MEGF8: variants seen among roughly 807,000 people sequenced by gnomAD.
MEGF8 encodes multiple epidermal growth factor-like domains protein 8.
MEGF8 carries 156 observed loss-of-function variants against 302.9 expected under a neutral mutation model. That is an observed-to-expected ratio of 0.52 (90% CI 0.45 to 0.59). The LOEUF (loss-of-function observed/expected upper bound fraction) is 0.59, where lower values mean the gene tolerates loss of function less well. Among genes scored for constraint, MEGF8 ranks in the 20% least tolerant of loss-of-function variants. MEGF8 has a pLI of 0.00. For missense variants in MEGF8, 3,345 were observed against 3,964.5 expected (o/e 0.84, Z 4.20); for synonymous variants, 1,621 against 1,660.5 (o/e 0.98, Z 0.58).
At chr19:42,374,470 CA>C (rs58700897) in intron 41 of MEGF8, among the ~76,000 whole-genome samples, 6,013 of 56,334 alleles carry the variant, frequency 0.11, 297 homozygotes, top group African/African-American at 0.29. Flanking sequence ...GACTCTGTCT[CA>C]AAAAAAAAAA....
At position 42,360,981 on chromosome 19, in the gene MEGF8, TGCTTGTCC is replaced by T; in HGVS notation, c.5697_5704del (p.Cys1899TrpfsTer32). The T allele has an allele frequency of 6.4e-7, 1 of 1,566,978 alleles. No homozygotes were observed. The highest frequency in any genetic ancestry group is 8.7e-7 in the Non-Finnish European group (1 of 1,154,522). ...GGCCTGCACCTGGTGCCATGGGGCC[TGCTTGTCC>T]GGGGATCAGGCCCACAGGTAACCAT... On this transcript the variant is annotated frameshift_variant, in exon 32 of 42. Coordinates refer to ENST00000251268, the MANE Select transcript of MEGF8 (RefSeq NM_001271938.2). LOFTEE classifies it high-confidence loss of function.
rs756533048 is a variant in MEGF8 at position 42,351,292 on chromosome 19, G to A, written c.2813G>A (p.Gly938Asp). 4.5e-6 allele frequency: 7 copies of A among 1,569,024 alleles called. No individual in the cohort carries two copies. The East Asian group carries it at 1.4e-4, about 31-fold the overall frequency. ...AACSRRGRGRGALKSPEECPP... is the reference protein window; with the variant it reads ...AACSRRGRGRDALKSPEECPP... Reference sequence around the variant, plus strand: ...TGCAGCCGGCGGGGCCGGGGTCGGGGTGCCCTGAAGAGTCCAGAGGAGTGT... The same window carrying A: ...TGCAGCCGGCGGGGCCGGGGTCGGGATGCCCTGAAGAGTCCAGAGGAGTGT... Residue 938 changes from glycine to aspartate, a missense_variant, in exon 16 of 42, where the codon GGT becomes GAT. Physicochemically the swap from Gly to Asp is moderately conservative, Grantham distance 94. Coordinates refer to ENST00000251268, the MANE Select transcript of MEGF8 (RefSeq NM_001271938.2). The surrounding 1 kb of genome is among the most constrained non-coding windows in gnomAD (Gnocchi z 5.6).
chr19:42,335,256 C>A, intron 4 of MEGF8, 41 bp downstream of exon 4: 4 of 1,613,766 alleles, frequency 2.5e-6, no homozygotes, highest in Non-Finnish European at 3.4e-6. Context: ...GGAGGCCCGG[C>A]AGCCTATGGC....
Position 42,351,817 on chromosome 19 carries a change from C to T in MEGF8, c.3101+56C>T, listed in dbSNP as rs573600138. On this transcript the variant is annotated intron_variant, in intron 18 of 41. Coordinates refer to ENST00000251268, the MANE Select transcript of MEGF8 (RefSeq NM_001271938.2). The surrounding 1 kb of genome is among the most constrained non-coding windows in gnomAD (Gnocchi z 5.6). Reference sequence around the variant, plus strand: ...CCCGGCTGTGTCCTTCCTCCATGACCGGTCATTCTAATGGCCTCTTTGCTT... The same window carrying T: ...CCCGGCTGTGTCCTTCCTCCATGACTGGTCATTCTAATGGCCTCTTTGCTT... The T allele has an allele frequency of 1.4e-4, 195 of 1,425,944 alleles. No individual in the cohort carries two copies. Among genetic ancestry groups the T allele is most frequent in the African/African-American group, 3.1e-4 (22 of 70,680 alleles). 88.3% of individuals were successfully genotyped at this position (1,425,944 alleles called of 1,614,324 possible). A position where few individuals can be genotyped will look rare whatever the true frequency, so the allele number is the denominator to read the frequency against.
In MEGF8 at chr19:42,352,293, C is replaced by A; in HGVS notation, c.3187C>A (p.Leu1063Ile). The change falls in exon 19 of 42, where the codon CTC (leucine) becomes ATC (isoleucine). Residue 1063 changes from leucine (L) to isoleucine (I), a missense_variant. Leu to Ile is a conservative substitution (Grantham distance 5). Coordinates refer to ENST00000251268, the MANE Select transcript of MEGF8 (RefSeq NM_001271938.2). The surrounding 1 kb of genome is among the most constrained non-coding windows in gnomAD (Gnocchi z 4.4). ...VGEGLGLPVA[L>I]PARWAYARCP... ...GGAGGGCCTGGGGCTTCCCGTGGCC[C>A]TCCCTGCCCGCTGGGCATACGCCCG... 1 of 1,571,610 alleles carries A rather than the reference C, an allele frequency of 6.4e-7. No individual in the cohort carries two copies. Among genetic ancestry groups the A allele is most frequent in the Non-Finnish European group, 8.6e-7 (1 of 1,158,638 alleles).
intron 23 of MEGF8, among the ~76,000 whole-genome samples, chr19:42,355,200 G>A (rs894248729): frequency 1.3e-5 from 2 of 151,986 alleles, no homozygotes; most frequent in African/African-American, 4.8e-5. Context: ...CAAGTGATTC[G>A]CCCACCTTGG....
At chr19:42,359,611 T>C (rs1393460413) in intron 31 of MEGF8, among the ~76,000 whole-genome samples, 1 of 152,144 alleles carries the variant, frequency 6.6e-6, no homozygotes, top group Admixed American at 6.5e-5. Flanking sequence ...ATTTCAATGT[T>C]GTGAGTGACT....
In MEGF8 at chr19:42,343,989, C is replaced by T; in HGVS notation, c.1704C>T (p.His568=). The T allele has an allele frequency of 6.2e-7, 1 of 1,613,828 alleles. No homozygotes were observed. Among genetic ancestry groups the T allele is most frequent in the Non-Finnish European group, 8.5e-7 (1 of 1,179,792 alleles). ...HLDYCSMYTD[H]SVCSRDPECS... Reference sequence around the variant, plus strand: ...ACTACTGCTCCATGTACACAGACCACAGCGTCTGCTCCCGGGACCCGGAAT... The same window carrying T: ...ACTACTGCTCCATGTACACAGACCATAGCGTCTGCTCCCGGGACCCGGAAT... Residue 568 remains histidine (H), a synonymous_variant, in exon 10 of 42, where the codon CAC becomes CAT. Coordinates refer to ENST00000251268, the MANE Select transcript of MEGF8 (RefSeq NM_001271938.2).
At chr19:42,362,260 G>C in intron 33 of MEGF8, 47 bp downstream of exon 33, 3 of 1,609,566 alleles carry the variant, frequency 1.9e-6, no homozygotes, top group Non-Finnish European at 2.5e-6. Context: ...GTGTAGGGCA[G>C]GGAGGTCCTG....
chr19:42,329,940 A>G (rs1040143910), intron 1 of MEGF8, among the ~76,000 whole-genome samples: 1 of 151,438 alleles, frequency 6.6e-6, no homozygotes, highest in African/African-American at 2.4e-5. Flanking sequence ...TACTTTATCT[A>G]GTCCTAGACT....
intron 1 of MEGF8, among the ~76,000 whole-genome samples, chr19:42,331,238 G>C (rs1431146332): frequency 6.6e-6 from 1 of 152,230 alleles, no homozygotes; most frequent in Non-Finnish European, 1.5e-5. Context: ...CTAAGGCTCA[G>C]AGAGCCCATG....
rs756491938 is a variant in MEGF8 at position 42,343,928 on chromosome 19, C to T, written c.1669-26C>T. On this transcript the variant is annotated intron_variant, in intron 9 of 41. Coordinates refer to ENST00000251268, the MANE Select transcript of MEGF8 (RefSeq NM_001271938.2). ...CCTCCTCCTCCGTCCCCTTGCCTCC[C>T]CCTCTGTCCCCTTGCCTCCCTGCAG... The T allele has an allele frequency of 1.0e-5, 16 of 1,606,798 alleles. No homozygotes were observed. In the South Asian group the frequency reaches 1.7e-4, roughly 17 times the overall value.
chr19:42,343,447 A>C (rs1190546898), intron 8 of MEGF8, 30 bp from the exon 9 acceptor site: 2 of 1,564,366 alleles, frequency 1.3e-6, no homozygotes, highest in African/African-American at 2.7e-5. Flanking sequence ...TGGGGGTCTA[A>C]TAATGTCATT....
In MEGF8 at chr19:42,356,855, C is replaced by G. The variant is rs966849148; in HGVS notation, c.4704C>G (p.Phe1568Leu). The G allele has an allele frequency of 2.5e-6, 4 of 1,582,318 alleles. No homozygotes were observed. In the African/African-American group the frequency reaches 4.0e-5, roughly 16 times the overall value. Reference protein sequence around the residue: ...DGGPGPSPRSFHAAAYVPAGR... With the variant: ...DGGPGPSPRSLHAAAYVPAGR... ...GCCCAGGCCCATCGCCCCGCTCCTT[C>G]CATGCAGCCGCATATGTGCCCGCTG... Residue 1568 changes from phenylalanine to leucine, a missense_variant, in exon 27 of 42, where the codon TTC (phenylalanine) becomes TTG (leucine). Physicochemically the swap from Phe to Leu is conservative, Grantham distance 22 (BLOSUM62 0). Transcript: ENST00000251268. The surrounding 1 kb of genome is among the most constrained non-coding windows in gnomAD (Gnocchi z 5.2).
At position 42,371,489 on chromosome 19, in the gene MEGF8, C is replaced by G; in HGVS notation, c.7269+7C>G. 1.9e-6 allele frequency: 3 copies of G among 1,613,738 alleles called. No homozygotes were observed. The highest frequency in any genetic ancestry group is 1.7e-5 in the Admixed American group (1 of 60,020). On this transcript the variant is annotated splice_region_variant and intron_variant, in intron 41 of 41. Transcript: ENST00000251268. ...AGACTGCTACAAGTACCAGGTGCGG[C>G]TGCAGAAGCTAGTGGTGGGCCGAGG...
In MEGF8 at chr19:42,375,414, G is replaced by A; in HGVS notation, c.7270-93G>A. ...TGAGGCCCAGGGCAATGGCTACTTAGCAGTGGGTATAGAGTATTCGTCACT... is the reference window on the plus strand; with the variant it reads ...TGAGGCCCAGGGCAATGGCTACTTAACAGTGGGTATAGAGTATTCGTCACT... On this transcript the variant is annotated intron_variant, in intron 41 of 41. Transcript: ENST00000251268. The surrounding 1 kb of genome is among the most constrained non-coding windows in gnomAD (Gnocchi z 7.1). 7.8e-7 allele frequency: 1 copy of A among 1,278,706 alleles called. No individual in the cohort carries two copies. The highest frequency in any genetic ancestry group is 1.1e-6 in the Non-Finnish European group (1 of 946,742). The allele number at this position is 1,278,706 out of a possible 1,614,324, so 79.2% of individuals were successfully genotyped here. A position where few individuals can be genotyped will look rare whatever the true frequency, so the allele number is the denominator to read the frequency against.
Position 42,375,409 on chromosome 19 carries a change from A to G in MEGF8, c.7270-98A>G, listed in dbSNP as rs2039751304. 8.1e-7 allele frequency: 1 copy of G among 1,236,298 alleles called. No homozygotes were observed. The allele number at this position is 1,236,298 out of a possible 1,614,324, so 76.6% of individuals were successfully genotyped here. The stretch of plus-strand genomic sequence containing the variant: ...GGGGGTGAGGCCCAGGGCAATGGCT[A>G]CTTAGCAGTGGGTATAGAGTATTCG... On this transcript the variant is annotated intron_variant, in intron 41 of 41. Coordinates refer to ENST00000251268, the MANE Select transcript of MEGF8 (RefSeq NM_001271938.2). The surrounding 1 kb of genome is among the most constrained non-coding windows in gnomAD (Gnocchi z 7.1).
chr19:42,328,567 AGTGTGTGTGT>A (rs113567438), intron 1 of MEGF8, among the ~76,000 whole-genome samples: 2 of 146,612 alleles, frequency 1.4e-5, no homozygotes, highest in African/African-American at 2.6e-5. Context: ...CAGAATAGGA[AGTGTGTGTGT>A]GTGTGTGTGT....
Position 42,376,017 on chromosome 19 carries a change from G to A in MEGF8, c.7780G>A (p.Asp2594Asn), listed in dbSNP as rs1462489366. 5 of 1,605,278 alleles carry A rather than the reference G, an allele frequency of 3.1e-6. No individual in the cohort carries two copies. The highest frequency in any genetic ancestry group is 4.2e-6 in the Non-Finnish European group (5 of 1,177,820). The stretch of plus-strand genomic sequence containing the variant: ...AGTGCTGGTGGTCCGCGGCGTGCGG[G>A]ACCGGCTGGTCATCACCTACCCACA... ...SAVLVVRGVR[D>N]RLVITYPHEH... Residue 2594 changes from aspartate to asparagine, a missense_variant, in exon 42 of 42, where the codon GAC (aspartate) becomes AAC (asparagine). Physicochemically the swap from Asp to Asn is conservative, Grantham distance 23 (BLOSUM62 1). Coordinates refer to ENST00000251268, the MANE Select transcript of MEGF8 (RefSeq NM_001271938.2). The surrounding 1 kb of genome is among the most constrained non-coding windows in gnomAD (Gnocchi z 8.2).
Sources: gnomAD v4.1 joint callset for allele counts (sites outside exome capture counted in the v4.1 genomes callset) on GRCh38, gnomAD v4.1.1 for gene constraint, Gnocchi (gnomAD v3.1) non-coding constraint, MANE v1.5 for transcripts, NCBI Gene and HGNC (gene_info 2026-07-23, HGNC 2026-07-21) for gene names.